Variants in RPS3 observed in about 807,000 individuals in gnomAD.
The protein encoded by RPS3 is ribosomal protein S3.
A neutral mutation model predicts 25.8 loss-of-function variants in RPS3; 2 were observed. The observed-to-expected ratio is 0.08, with a 90% CI of 0.03 to 0.24. The LOEUF (loss-of-function observed/expected upper bound fraction) is 0.24. Among genes scored for constraint, RPS3 ranks in the 10% least tolerant of loss-of-function variants. The pLI is 1.00. For missense variants in RPS3, 107 were observed against 307.1 expected (o/e 0.35, Z 4.87); for synonymous variants, 114 against 114.2 (o/e 1.00, Z 0.01).
downstream of RPS3, among the ~76,000 whole-genome samples, chr11:75,408,211 G>A (rs1948307468): frequency 6.6e-6 from 1 of 152,194 alleles, no homozygotes; most frequent in East Asian, 1.9e-4. Context: ...ATTTAAAAAT[G>A]CCAAAATATG....
At chr11:75,399,602 G>A in intron 1 of RPS3, 25 bp downstream of exon 1, 1 of 1,609,598 alleles carries the variant, frequency 6.2e-7, no homozygotes, top group Non-Finnish European at 8.5e-7. Flanking sequence ...ACTGGGTTCG[G>A]AGAACGACGG....
chr11:75,402,562 A>G (rs1224401642), intron 4 of RPS3, 116 bp downstream of exon 4: 3 of 1,112,564 alleles, frequency 2.7e-6, no homozygotes, highest in East Asian at 2.6e-5. Context: ...CTAGTCTCCC[A>G]GGGTTATAAT....
At chr11:75,414,922 G>C (rs1342327914) in intron 6 of RPS3, among the ~76,000 whole-genome samples, 1 of 152,182 alleles carries the variant, frequency 6.6e-6, no homozygotes, top group African/African-American at 2.4e-5. Context: ...AGCTGGGCTG[G>C]CAAGGCTGCT....
intron 1 of RPS3, 170 bp downstream of exon 1, chr11:75,399,747 C>CAGG (rs1335116227): frequency 8.2e-6 from 5 of 608,214 alleles, no homozygotes; most frequent in Admixed American, 6.4e-5. Flanking sequence ...AGGCCCCAGC[C>CAGG]AGGAGGGCGC....
intron 2 of RPS3, among the ~76,000 whole-genome samples, chr11:75,401,259 C>T (rs1334906639): frequency 6.6e-6 from 1 of 152,098 alleles, no homozygotes; most frequent in African/African-American, 2.4e-5. Flanking sequence ...TTCTTAAAAG[C>T]TAGATTTTAA....
downstream of RPS3, chr11:75,406,912 A>G: frequency 6.6e-6 from 1 of 152,218 alleles, no homozygotes; most frequent in East Asian, 1.9e-4. Context: ...TTGAAAGTCT[A>G]AGGATGTGCC....
chr11:75,402,588 G>GCCCT (rs1948227321), intron 4 of RPS3, 142 bp downstream of exon 4: 2 of 828,070 alleles, frequency 2.4e-6, no homozygotes, highest in African/African-American at 3.4e-5. Context: ...ACTAAGTCAT[G>GCCCT]CCCTCACTGA....
chr11:75,409,726 C>T (rs1489386310), downstream of RPS3, among the ~76,000 whole-genome samples: 640 of 151,018 alleles, frequency 4.2e-3, 2 homozygotes, highest in African/African-American at 0.015. Flanking sequence ...GGGTCGTGGC[C>T]GGGCAGAGGG....
In RPS3 at chr11:75,405,883, TC is replaced by T; in HGVS notation, c.*274del. On this transcript the variant is annotated 3_prime_UTR_variant, in exon 7 of 7. Coordinates refer to ENST00000531188, the MANE Select transcript of RPS3 (RefSeq NM_001005.5). The stretch of plus-strand genomic sequence containing the variant: ...ATAGCAAGCAAGGCAGCACCTTGAT[TC>T]GTTGTCCTGTAGTTCAGGATTGTAG... 1 of 249,670 alleles carries T rather than the reference TC, an allele frequency of 4.0e-6. No homozygotes were observed. Among genetic ancestry groups the T allele is most frequent in the East Asian group, 1.0e-4 (1 of 9,800 alleles). 15.5% of individuals were successfully genotyped at this position (249,670 alleles called of 1,614,324 possible).
intron 6 of RPS3, among the ~76,000 whole-genome samples, chr11:75,417,324 G>T (rs898716341): frequency 6.6e-6 from 1 of 151,960 alleles, no homozygotes. Context: ...TAGGCCAGGA[G>T]TGGTGGCTCA....
downstream of RPS3, among the ~76,000 whole-genome samples, chr11:75,409,178 A>T (rs999689439): frequency 1.3e-5 from 2 of 148,304 alleles, no homozygotes; most frequent in Admixed American, 6.7e-5. Context: ...TATTATTATT[A>T]TTATTTATTT....
In RPS3 at chr11:75,404,880, AGGGCAG is replaced by A; in HGVS notation, c.*3+17_*3+22del. ...CCACAGCATAACAGGTATGTCTGCAAGGGCAGGGGCCTCTTGGGGCATAATAGGGTC... is the reference window on the plus strand; with the variant it reads ...CCACAGCATAACAGGTATGTCTGCAAGGGCCTCTTGGGGCATAATAGGGTC... On this transcript the variant is annotated intron_variant, in intron 6 of 6. Coordinates refer to ENST00000531188, the MANE Select transcript of RPS3 (RefSeq NM_001005.5). The surrounding 1 kb of genome is among the most constrained non-coding windows in gnomAD (Gnocchi z 4.6). 3 of 1,566,294 alleles carry A rather than the reference AGGGCAG, an allele frequency of 1.9e-6. No individual in the cohort carries two copies. The South Asian group carries it at 3.5e-5, about 18-fold the overall frequency.
At chr11:75,410,441 A>G (rs1412896751), downstream of RPS3, among the ~76,000 whole-genome samples, 11 of 144,142 alleles carry the variant, frequency 7.6e-5, no homozygotes, top group South Asian at 2.0e-3. Flanking sequence ...GGCGGCGGGG[A>G]AGAGGCGCTC....
chr11:75,402,030 T>C, intron 3 of RPS3: 2 of 547,188 alleles, frequency 3.7e-6, no homozygotes, highest in South Asian at 2.3e-5. Context: ...ACCTGCATTG[T>C]GTGTAGGTGG....
chr11:75,400,539 G>A (rs1160136616), intron 1 of RPS3, 155 bp from the exon 2 acceptor site: 2 of 1,055,836 alleles, frequency 1.9e-6, no homozygotes, highest in South Asian at 2.5e-5. Flanking sequence ...TCTGAGAAGG[G>A]TTGCTGCACT....
At position 75,404,365 on chromosome 11, in the gene RPS3, C is replaced by A; in HGVS notation, c.538+158C>A. The A allele has an allele frequency of 1.2e-6, 1 of 824,212 alleles. No homozygotes were observed. Among genetic ancestry groups the A allele is most frequent in the Non-Finnish European group, 2.1e-6 (1 of 478,858 alleles). 51.1% of individuals were successfully genotyped at this position (824,212 alleles called of 1,614,324 possible). A position where few individuals can be genotyped will look rare whatever the true frequency, so the allele number is the denominator to read the frequency against. ...ACGTTGATCTGTAAGAATCGATTTG[C>A]TGAGATCTGTCAGATCCAAGAGTTG... On this transcript the variant is annotated intron_variant, in intron 5 of 6. Transcript: ENST00000531188. This position sits in a 1 kb window ranked among gnomAD's most constrained non-coding sequence, Gnocchi z 4.6.
In RPS3 at chr11:75,404,624, G is replaced by A. The variant is rs773508187; in HGVS notation, c.539-48G>A. ...TGCTCTCTTTGGTCTTGTGTGATGGGGGCCTTTGAGACCCCAGCTGTGTGC... is the reference window on the plus strand; with the variant it reads ...TGCTCTCTTTGGTCTTGTGTGATGGAGGCCTTTGAGACCCCAGCTGTGTGC... On this transcript the variant is annotated intron_variant, in intron 5 of 6. Transcript: ENST00000531188. This position sits in a 1 kb window ranked among gnomAD's most constrained non-coding sequence, Gnocchi z 4.6. 6.4e-7 allele frequency: 1 copy of A among 1,563,342 alleles called. No homozygotes were observed. Among genetic ancestry groups the A allele is most frequent in the South Asian group, 1.1e-5 (1 of 88,804 alleles).
intron 3 of RPS3, 66 bp downstream of exon 3, chr11:75,401,799 C>A: frequency 1.1e-6 from 1 of 896,412 alleles, no homozygotes; most frequent in Non-Finnish European, 1.9e-6. Flanking sequence ...AAACTCTCAA[C>A]TTGGAGACTT....
chr11:75,405,454 C>T (rs143641060), intron 6 of RPS3, 160 bp from the exon 7 acceptor site: 45 of 300,612 alleles, frequency 1.5e-4, no homozygotes, highest in African/African-American at 1.4e-3. Flanking sequence ...TCTCCAGGTG[C>T]CTTGTATTTT....
Sources: gnomAD v4.1 joint callset for allele counts (sites outside exome capture counted in the v4.1 genomes callset) on GRCh38, gnomAD v4.1.1 for gene constraint, Gnocchi (gnomAD v3.1) non-coding constraint, MANE v1.5 for transcripts, NCBI Gene and HGNC (gene_info 2026-07-23, HGNC 2026-07-21) for gene names.